DLGAP1: variants seen among roughly 807,000 people sequenced by gnomAD.
DLGAP1 encodes the protein DLG associated protein 1, also known as disks large-associated protein 1.
Under a neutral mutation model 90.8 loss-of-function variants are expected in DLGAP1, and 11 were observed. That is an observed-to-expected ratio of 0.12 (90% CI 0.08 to 0.20). The LOEUF (loss-of-function observed/expected upper bound fraction) is 0.20. DLGAP1 is among the 10% of genes least tolerant of loss of function. The pLI is 1.00. For missense variants in DLGAP1, 1,050 were observed against 1,333.8 expected (o/e 0.79, Z 3.31); for synonymous variants, 558 against 540.7 (o/e 1.03, Z -0.44).
intron 3 of DLGAP1, among the ~76,000 whole-genome samples, chr18:3,975,740 T>C (rs923279947): frequency 1.3e-5 from 2 of 152,154 alleles, no homozygotes; most frequent in East Asian, 3.8e-4. Flanking sequence ...TTATTTAGCC[T>C]TAAAAAGCCA....
At chr18:3,601,003 G>GAT (rs1389841808) in intron 7 of DLGAP1, among the ~76,000 whole-genome samples, 7,389 of 135,542 alleles carry the variant, frequency 0.055, 925 homozygotes, top group African/African-American at 0.17. Flanking sequence ...TAGATATATA[G>GAT]ATATAGATAG....
At chr18:4,431,049 C>T (rs911991873) in intron 1 of DLGAP1, 1 of 153,332 alleles carries the variant, frequency 6.5e-6, no homozygotes, top group African/African-American at 2.4e-5. Context: ...AACATGTGCC[C>T]TGTTGTCCTG....
At chr18:4,074,019 C>A in intron 2 of DLGAP1, among the ~76,000 whole-genome samples, 1 of 152,150 alleles carries the variant, frequency 6.6e-6, no homozygotes. Flanking sequence ...AGCAGATAAC[C>A]TTATTCATAG....
At chr18:3,951,659 C>A (rs897222408) in intron 3 of DLGAP1, among the ~76,000 whole-genome samples, 1 of 152,082 alleles carries the variant, frequency 6.6e-6, no homozygotes, top group Non-Finnish European at 1.5e-5. Flanking sequence ...GTAATTCCTA[C>A]GTGTTGGGAG....
chr18:4,308,401 A>G (rs2080316610), intron 1 of DLGAP1, among the ~76,000 whole-genome samples: 1 of 152,196 alleles, frequency 6.6e-6, no homozygotes, highest in African/African-American at 2.4e-5. Context: ...AGTGATCAAA[A>G]CTACTGTATC....
intron 1 of DLGAP1, among the ~76,000 whole-genome samples, chr18:4,339,726 T>C (rs2143831796): frequency 6.6e-6 from 1 of 152,306 alleles, no homozygotes; most frequent in East Asian, 1.9e-4. Context: ...GACTCAGTTA[T>C]CCAAGATGGA....
intron 2 of DLGAP1, among the ~76,000 whole-genome samples, chr18:4,125,522 T>C (rs2144149891): frequency 6.6e-6 from 1 of 152,232 alleles, no homozygotes; most frequent in South Asian, 2.1e-4. Flanking sequence ...TGTCTATCTG[T>C]GTAGACATAG....
intron 3 of DLGAP1, among the ~76,000 whole-genome samples, chr18:3,923,760 G>A (rs2072319817): frequency 6.6e-6 from 1 of 152,118 alleles, no homozygotes; most frequent in African/African-American, 2.4e-5. Context: ...ACATTCCTCT[G>A]TACTAAAACA....
chr18:3,726,763 A>C (rs1345576747), intron 7 of DLGAP1, among the ~76,000 whole-genome samples: 1 of 152,158 alleles, frequency 6.6e-6, no homozygotes, highest in Non-Finnish European at 1.5e-5. Flanking sequence ...TGCATCACCA[A>C]CCCCAGGGGC....
intron 7 of DLGAP1, among the ~76,000 whole-genome samples, chr18:3,639,243 C>A (rs374962233): frequency 6.6e-5 from 10 of 152,202 alleles, no homozygotes; most frequent in African/African-American, 2.4e-4. Flanking sequence ...GTAGTCCCAG[C>A]TACTCGGGAG....
chr18:3,884,582 C>T (rs1022459645), intron 3 of DLGAP1, among the ~76,000 whole-genome samples: 4 of 152,136 alleles, frequency 2.6e-5, no homozygotes, highest in Non-Finnish European at 4.4e-5. Context: ...TGCAAGATGA[C>T]GTTACCTGAG....
rs546320322 is a variant in DLGAP1, at chr18:3,619,950, G to A, written c.1592-37702C>T. Among the ~76,000 whole-genome samples, 10 of 151,720 alleles carry A rather than the reference G, an allele frequency of 6.6e-5. No homozygotes were observed. In the East Asian group the frequency reaches 1.9e-3, roughly 29 times the overall value. ...TCCCACCTCAGCCTCCTAAGTAGCC[G>A]GAACTATAGGTGCATGCCACCATGC... is the stretch of plus-strand genomic sequence containing the variant. On this transcript the variant is annotated intron_variant, in intron 7 of 12. Transcript: ENST00000315677.
intron 2 of DLGAP1, among the ~76,000 whole-genome samples, chr18:4,098,713 A>G: frequency 6.6e-6 from 1 of 152,222 alleles, no homozygotes. Flanking sequence ...ACAAAATAAA[A>G]TGCAATTTTA....
intron 7 of DLGAP1, among the ~76,000 whole-genome samples, chr18:3,672,923 T>A (rs2060151871): frequency 6.6e-6 from 1 of 152,194 alleles, no homozygotes. Context: ...CTGGGGCAAG[T>A]CCTTATCTCC....
intron 3 of DLGAP1, chr18:3,885,280 C>A (rs962824286): frequency 5.3e-5 from 8 of 152,186 alleles, no homozygotes; most frequent in African/African-American, 1.7e-4. Flanking sequence ...CACTTGCTGC[C>A]ACCTGTGGTG....
intron 8 of DLGAP1, among the ~76,000 whole-genome samples, chr18:3,578,291 A>G (rs1196600080): frequency 2.6e-5 from 4 of 152,150 alleles, no homozygotes; most frequent in African/African-American, 9.7e-5. Context: ...CTAGTGTGAC[A>G]TATTTTGGGA....
intron 2 of DLGAP1, among the ~76,000 whole-genome samples, chr18:4,112,232 A>AT (rs111440613): frequency 6.6e-6 from 1 of 152,026 alleles, no homozygotes; most frequent in Non-Finnish European, 1.5e-5. Flanking sequence ...GAATTTCCCC[A>AT]TTTTTTTCTG....
intron 10 of DLGAP1, among the ~76,000 whole-genome samples, chr18:3,521,837 A>G (rs2051212657): frequency 6.6e-6 from 1 of 152,208 alleles, no homozygotes; most frequent in Non-Finnish European, 1.5e-5. Flanking sequence ...CAGATTCTAT[A>G]TCAACCAGAA....
intron 1 of DLGAP1, among the ~76,000 whole-genome samples, chr18:4,323,903 C>G (rs1003864824): frequency 6.6e-6 from 1 of 152,004 alleles, no homozygotes; most frequent in African/African-American, 2.4e-5. Flanking sequence ...TAGCATCTAA[C>G]GTTCACCTCA....
Sources: gnomAD v4.1 joint callset for allele counts (sites outside exome capture counted in the v4.1 genomes callset) on GRCh38, gnomAD v4.1.1 for gene constraint, MANE v1.5 for transcripts, NCBI Gene and HGNC (gene_info 2026-07-23, HGNC 2026-07-21) for gene names.